The following INPP4B variants were observed in gnomAD, a reference collection of about 807,000 sequenced individuals.
INPP4B encodes the protein inositol polyphosphate-4-phosphatase type II B.
Under a neutral mutation model 122.5 loss-of-function variants are expected in INPP4B, and 55 were observed. The observed-to-expected ratio is 0.45, with a 90% confidence interval of 0.36 to 0.56. The LOEUF (loss-of-function observed/expected upper bound fraction) is 0.56, where lower values mean the gene tolerates loss of function less well. INPP4B is among the 20% of genes least tolerant of loss of function. The pLI is 0.00. For missense variants in INPP4B, 1,000 were observed against 1,097.7 expected (o/e 0.91, Z 1.26); for synonymous variants, 403 against 388.7 (o/e 1.04, Z -0.43).
At position 142,028,517 on chromosome 4, in the gene INPP4B, G is replaced by C; in HGVS notation, c.*265C>G. 4.9e-6 allele frequency: 2 copies of C among 408,570 alleles called. No individual in the cohort carries two copies. Among genetic ancestry groups the C allele is most frequent in the Non-Finnish European group, 8.8e-6 (2 of 228,550 alleles). 25.3% of individuals were successfully genotyped at this position (408,570 alleles called of 1,614,324 possible). A position where few individuals can be genotyped will look rare whatever the true frequency, so the allele number is the denominator to read the frequency against. Reference sequence around the variant, plus strand: ...CTCATGAATGAAATTTACACTTTGTGAACCAATCTCAATCAGCTAGGCTCA... The same window carrying C: ...CTCATGAATGAAATTTACACTTTGTCAACCAATCTCAATCAGCTAGGCTCA... On this transcript the variant is annotated 3_prime_UTR_variant, in exon 26 of 26. Transcript: ENST00000262992.
chr4:142,729,365 C>T (rs925847466), intron 1 of INPP4B, among the ~76,000 whole-genome samples: 2 of 152,120 alleles, frequency 1.3e-5, no homozygotes, highest in African/African-American at 4.8e-5. Context: ...AACTGACTTA[C>T]AGTTTTAACA....
At chr4:142,689,775 TG>T (rs1429374961) in intron 2 of INPP4B, among the ~76,000 whole-genome samples, 3 of 152,176 alleles carry the variant, frequency 2.0e-5, no homozygotes, top group Non-Finnish European at 2.9e-5. Flanking sequence ...TAAACATTTG[TG>T]ATTAAGCAAA....
chr4:142,463,788 T>G (rs1458846280), intron 2 of INPP4B, among the ~76,000 whole-genome samples: 1 of 152,152 alleles, frequency 6.6e-6, no homozygotes, highest in African/African-American at 2.4e-5. Flanking sequence ...TTCTCCTTGC[T>G]GCCACCATGT....
At chr4:142,416,793 A>T (rs112591625) in intron 5 of INPP4B, among the ~76,000 whole-genome samples, 96 of 152,298 alleles carry the variant, frequency 6.3e-4, no homozygotes, top group Non-Finnish European at 1.0e-3. Flanking sequence ...TATTCATTTG[A>T]CTAACTAGGG....
chr4:142,231,278 A>G (rs1343052083), intron 12 of INPP4B, among the ~76,000 whole-genome samples: 1 of 152,216 alleles, frequency 6.6e-6, no homozygotes, highest in Non-Finnish European at 1.5e-5. Context: ...TTTCCACTCA[A>G]TGTCAGGATT....
chr4:142,375,458 C>T (rs534390622), intron 7 of INPP4B, among the ~76,000 whole-genome samples: 9 of 151,812 alleles, frequency 5.9e-5, no homozygotes, highest in Admixed American at 6.6e-5. Flanking sequence ...TTATTCCAAA[C>T]CCTGTGGCTG....
At chr4:142,272,461 A>C (rs3102443) in intron 9 of INPP4B, among the ~76,000 whole-genome samples, 1 of 151,864 alleles carries the variant, frequency 6.6e-6, no homozygotes, top group African/African-American at 2.4e-5. Context: ...ACTAAAATAA[A>C]AAGTGAAATG....
At chr4:142,317,031 G>A (rs377740825) in intron 7 of INPP4B, among the ~76,000 whole-genome samples, 48 of 152,274 alleles carry the variant, frequency 3.2e-4, no homozygotes, top group African/African-American at 1.1e-3. Context: ...ATTTTCCTGT[G>A]GGCATTTAGA....
At chr4:142,152,828 T>C (rs1161888591) in intron 17 of INPP4B, among the ~76,000 whole-genome samples, 2 of 152,212 alleles carry the variant, frequency 1.3e-5, no homozygotes, top group Non-Finnish European at 2.9e-5. Context: ...TCTGCTCATT[T>C]TATGAGTGCT....
intron 7 of INPP4B, among the ~76,000 whole-genome samples, chr4:142,315,242 A>AT (rs1032836598): frequency 1.2e-4 from 18 of 151,970 alleles, no homozygotes; most frequent in African/African-American, 4.1e-4. Flanking sequence ...TTATGTGTCA[A>AT]TTTTTTTAAT....
At chr4:142,277,179 T>TC (rs1015457768) in intron 9 of INPP4B, among the ~76,000 whole-genome samples, 12 of 150,400 alleles carry the variant, frequency 8.0e-5, no homozygotes, top group African/African-American at 3.0e-4. Flanking sequence ...ATGGGATTGT[T>TC]CTTTTTTTTT....
chr4:142,447,332 A>G (rs1813132205), intron 3 of INPP4B, among the ~76,000 whole-genome samples: 1 of 152,226 alleles, frequency 6.6e-6, no homozygotes, highest in African/African-American at 2.4e-5. Context: ...CTGCTACTGC[A>G]GTGAGAAAAG....
At chr4:142,178,570 AT>A (rs1482096200) in intron 15 of INPP4B, among the ~76,000 whole-genome samples, 1 of 152,030 alleles carries the variant, frequency 6.6e-6, no homozygotes, top group Non-Finnish European at 1.5e-5. Flanking sequence ...CCACTCCTTA[AT>A]CTGTTTGCTC....
intron 2 of INPP4B, among the ~76,000 whole-genome samples, chr4:142,567,479 A>C (rs1191876331): frequency 1.3e-5 from 2 of 152,160 alleles, no homozygotes; most frequent in Non-Finnish European, 2.9e-5. Flanking sequence ...CGATAAAGGA[A>C]GATGATGAAG....
chr4:142,509,700 T>TA (rs1386117042), intron 2 of INPP4B, among the ~76,000 whole-genome samples: 2 of 152,176 alleles, frequency 1.3e-5, no homozygotes, highest in African/African-American at 4.8e-5. Flanking sequence ...ATTAAAGACT[T>TA]AAATATGATG....
chr4:142,359,331 GT>G (rs1431905953), intron 7 of INPP4B, among the ~76,000 whole-genome samples: 2 of 151,872 alleles, frequency 1.3e-5, no homozygotes, highest in Admixed American at 1.3e-4. Context: ...CCATGCCTAG[GT>G]TTCCTTCTTG....
At chr4:142,281,865 C>A (rs546365000) in intron 9 of INPP4B, among the ~76,000 whole-genome samples, 1 of 151,862 alleles carries the variant, frequency 6.6e-6, no homozygotes, top group Non-Finnish European at 1.5e-5. Context: ...ACTCTGACAA[C>A]ACATAATAAA....
intron 1 of INPP4B, among the ~76,000 whole-genome samples, chr4:142,789,561 CA>C (rs1485244926): frequency 6.6e-6 from 1 of 151,904 alleles, no homozygotes; most frequent in Non-Finnish European, 1.5e-5. Flanking sequence ...CAGAAAACTA[CA>C]AAATACTGCT....
chr4:142,063,111 G>T (rs1761873162), intron 25 of INPP4B, among the ~76,000 whole-genome samples: 1 of 152,044 alleles, frequency 6.6e-6, no homozygotes, highest in Non-Finnish European at 1.5e-5. Context: ...TTTTTTGCAG[G>T]GATGTGGCAA....
Sources: allele counts gnomAD v4.1 joint callset (sites outside exome capture counted in the v4.1 genomes callset), GRCh38; gene constraint gnomAD v4.1.1; transcripts MANE v1.5; gene names NCBI Gene and HGNC (gene_info 2026-07-23, HGNC 2026-07-21).